The following DNAJC18 variants were observed in gnomAD, a reference collection of about 807,000 sequenced individuals.
DNAJC18 encodes the protein DnaJ heat shock protein family (Hsp40) member C18, also known as dnaJ homolog subfamily C member 18.
A neutral mutation model predicts 48.6 loss-of-function variants in DNAJC18; 40 were observed. The ratio of observed to expected loss-of-function variants is 0.82; its 90% confidence interval spans 0.64 to 1.07. The LOEUF (loss-of-function observed/expected upper bound fraction) is 1.07, where lower values mean the gene tolerates loss of function less well. Among genes scored for constraint, DNAJC18 ranks in the 50% least tolerant of loss-of-function variants. DNAJC18 has a pLI of 0.00. For synonymous variants in DNAJC18, 135 were observed against 152.2 expected (o/e 0.89, Z 0.83); for missense variants, 340 against 427.7 (o/e 0.79, Z 1.81).
chr5:139,435,704 A>AGTTTTTTT (rs1750627843), intron 2 of DNAJC18, among the ~76,000 whole-genome samples: 1 of 20,130 alleles, frequency 5.0e-5, no homozygotes, highest in Non-Finnish European at 1.2e-4. Flanking sequence ...CTTCATTGGA[A>AGTTTTTTT]GTTTTTTTTT....
At chr5:139,433,476 C>A (rs1759363684) in intron 2 of DNAJC18, among the ~76,000 whole-genome samples, 1 of 151,388 alleles carries the variant, frequency 6.6e-6, no homozygotes, top group South Asian at 2.1e-4. Context: ...TGGAGAACTG[C>A]AAGAGATCAC....
Position 139,420,143 on chromosome 5 carries a change from T to C in DNAJC18, c.862A>G (p.Arg288Gly). 1 of 1,611,656 alleles carries C rather than the reference T, an allele frequency of 6.2e-7. No homozygotes were observed. The highest frequency in any genetic ancestry group is 1.1e-5 in the South Asian group (1 of 90,296). The change falls in exon 7 of 8, where the codon AGA becomes GGA. Residue 288 changes from arginine to glycine, a missense_variant. Physicochemically the swap from Arg to Gly is moderately radical, Grantham distance 125. Coordinates refer to ENST00000302060, the MANE Select transcript of DNAJC18 (RefSeq NM_152686.4). ...TCCAAGTCATGCAGAGAAGCTCCTC[T>C]GTAGGCCTTGTCAAAGTTTTTATCC... is the stretch of plus-strand genomic sequence containing the variant. ...FVDKNFDKAY[R>G]GASLHDLEKT...
intron 3 of DNAJC18, among the ~76,000 whole-genome samples, chr5:139,427,373 C>CA (rs1016125012): frequency 1.8e-3 from 278 of 151,822 alleles, no homozygotes; most frequent in African/African-American, 5.7e-3. Context: ...ATAGAAACCT[C>CA]AAAAAAAAGA....
chr5:139,422,569 C>A, intron 6 of DNAJC18, 139 bp downstream of exon 6: 2 of 674,488 alleles, frequency 3.0e-6, no homozygotes, highest in Non-Finnish European at 5.1e-6. Context: ...ACCATGACTA[C>A]CCAGCTGTTC....
chr5:139,423,681 C>T (rs1759187991), intron 5 of DNAJC18, among the ~76,000 whole-genome samples: 1 of 151,640 alleles, frequency 6.6e-6, no homozygotes, highest in Admixed American at 6.6e-5. Flanking sequence ...TGAGCCATAG[C>T]ACCCAGCCTC....
rs377125785 is a variant in DNAJC18 at position 139,435,705 on chromosome 5, GTTTTTTTTTTTT to G, written c.227+1655_227+1666del. ...GGGCCTGGACTTTTCTTCATTGGAA[GTTTTTTTTTTTT>G]TTTTTTTTTTTTTTTCAGACAAGGT... On this transcript the variant is annotated intron_variant, in intron 2 of 7. Coordinates refer to ENST00000302060, the MANE Select transcript of DNAJC18 (RefSeq NM_152686.4). Among the ~76,000 whole-genome samples, 48 of 41,194 alleles carry G rather than the reference GTTTTTTTTTTTT, an allele frequency of 1.2e-3. 1 individual carries two copies. Among genetic ancestry groups the G allele is most frequent in the Non-Finnish European group, 1.4e-3 (37 of 26,216 alleles). The allele number at this position is 41,194 out of a possible 152,430, so 27.0% of individuals were successfully genotyped here.
intron 2 of DNAJC18, among the ~76,000 whole-genome samples, chr5:139,435,707 T>TTTTTTTTTTTTG (rs1750630714): frequency 1.7e-5 from 1 of 59,304 alleles, no homozygotes; most frequent in African/African-American, 9.1e-5. Flanking sequence ...CATTGGAAGT[T>TTTTTTTTTTTTG]TTTTTTTTTT....
chr5:139,422,178 T>C (rs1327715778), intron 6 of DNAJC18, among the ~76,000 whole-genome samples: 1 of 152,168 alleles, frequency 6.6e-6, no homozygotes, highest in East Asian at 1.9e-4. Flanking sequence ...GGACCAAACT[T>C]TGGGAACTGA....
intron 2 of DNAJC18, among the ~76,000 whole-genome samples, chr5:139,436,255 T>A (rs1167334013): frequency 2.0e-5 from 3 of 151,804 alleles, no homozygotes; most frequent in Non-Finnish European, 4.4e-5. Context: ...CCAAGTATTT[T>A]TTTTTTCTTT....
At chr5:139,420,384 G>C (rs1483074875) in intron 6 of DNAJC18, 159 bp from the exon 7 acceptor site, 3 of 684,252 alleles carry the variant, frequency 4.4e-6, no homozygotes, top group Non-Finnish European at 6.9e-6. Flanking sequence ...TAGCAAAGTT[G>C]TAAGTATAAC....
intron 5 of DNAJC18, 40 bp from the exon 6 acceptor site, chr5:139,422,857 CT>C (rs374000334): frequency 0.038 from 41,900 of 1,109,158 alleles, 1 homozygote; most frequent in East Asian, 0.055. Flanking sequence ...TGTAAGTGTT[CT>C]TTTTTTTTTT....
chr5:139,414,709 G>T (rs1232879848), intron 7 of DNAJC18, among the ~76,000 whole-genome samples: 3 of 152,232 alleles, frequency 2.0e-5, no homozygotes, highest in African/African-American at 7.2e-5. Context: ...TAACTCACAT[G>T]TGCGAAGGCA....
chr5:139,437,940 G>A (rs369624793), intron 1 of DNAJC18, among the ~76,000 whole-genome samples: 1 of 152,232 alleles, frequency 6.6e-6, no homozygotes, highest in Non-Finnish European at 1.5e-5. Flanking sequence ...TTAGTTTAAT[G>A]CAAGCTTGTC....
At chr5:139,423,825 CCAAATAA>C (rs1759193576) in intron 5 of DNAJC18, among the ~76,000 whole-genome samples, 1 of 152,046 alleles carries the variant, frequency 6.6e-6, no homozygotes, top group East Asian at 1.9e-4. Flanking sequence ...TCAATCTATA[CCAAATAA>C]CCTTTACTCT....
At chr5:139,422,126 T>G (rs1263805813) in intron 6 of DNAJC18, among the ~76,000 whole-genome samples, 2 of 152,140 alleles carry the variant, frequency 1.3e-5, no homozygotes, top group Non-Finnish European at 2.9e-5. Context: ...GAATCTGCCT[T>G]TCTAACATGT....
chr5:139,414,512 G>GAC (rs1442687964), intron 7 of DNAJC18, among the ~76,000 whole-genome samples: 5 of 152,334 alleles, frequency 3.3e-5, no homozygotes, highest in African/African-American at 1.2e-4. Flanking sequence ...AAAAGCACTG[G>GAC]ACTTAGTTCT....
At chr5:139,433,498 A>G (rs1759363968) in intron 2 of DNAJC18, among the ~76,000 whole-genome samples, 1 of 152,092 alleles carries the variant, frequency 6.6e-6, no homozygotes, top group Non-Finnish European at 1.5e-5. Context: ...TTTTACTGCT[A>G]TACATAATTT....
chr5:139,422,623 G>A, intron 6 of DNAJC18, 85 bp downstream of exon 6: 1 of 1,032,970 alleles, frequency 9.7e-7, no homozygotes, highest in Non-Finnish European at 1.5e-6. Context: ...AAGGTGAAAT[G>A]AAATGTTAGT....
At position 139,414,232 on chromosome 5, in the gene DNAJC18, T is replaced by C; in HGVS notation, c.993A>G (p.Glu331=). 6.2e-7 allele frequency: 1 copy of C among 1,614,190 alleles called. No homozygotes were observed. The highest frequency in any genetic ancestry group is 8.5e-7 in the Non-Finnish European group (1 of 1,180,044). ...GCGACTCTGCTTTCTGTTTCAATCG[T>C]TCATCTCTGTATAATCCTGCCAAAT... ...LTNLAGLYRD[E]RLKQKAESLK... is the part of the protein sequence containing the mutation. The change falls in exon 8 of 8, where the codon GAA becomes GAG. Residue 331 remains glutamate (E), a synonymous_variant. Coordinates refer to ENST00000302060, the MANE Select transcript of DNAJC18 (RefSeq NM_152686.4).
Sources: gnomAD v4.1 joint callset for allele counts (sites outside exome capture counted in the v4.1 genomes callset) on GRCh38, gnomAD v4.1.1 for gene constraint, MANE v1.5 for transcripts, NCBI Gene and HGNC (gene_info 2026-07-23, HGNC 2026-07-21) for gene names.